CYSLTR2: variants seen among roughly 807,000 people sequenced by gnomAD.
CYSLTR2 encodes the protein cysteinyl leukotriene receptor 2.
For missense variants in CYSLTR2, 398 were observed against 411.9 expected, an observed-to-expected ratio of 0.97 and a Z score of 0.29; for synonymous variants, 179 against 160.8, an observed-to-expected ratio of 1.11 and a Z score of -0.86.
At chr13:48,682,942 A>G (rs1463028474) in intron 1 of CYSLTR2, among the ~76,000 whole-genome samples, 1 of 152,100 alleles carries the variant, frequency 6.6e-6, no homozygotes, top group Non-Finnish European at 1.5e-5. Context: ...ATCTGTTCTC[A>G]TAATTTAGCT....
At chr13:48,662,114 C>G (rs913818586) in intron 1 of CYSLTR2, among the ~76,000 whole-genome samples, 5 of 152,086 alleles carry the variant, frequency 3.3e-5, no homozygotes, top group African/African-American at 9.7e-5. Context: ...CTTTCTGTTT[C>G]TGGTTTAGGA....
chr13:48,680,800 C>CTTTTTTTTTTTTTTTTTTTT (rs139896583), intron 1 of CYSLTR2, among the ~76,000 whole-genome samples: 50 of 55,026 alleles, frequency 9.1e-4, no homozygotes, highest in Non-Finnish European at 1.4e-3. Flanking sequence ...CTTTTCTTTT[C>CTTTTTTTTTTTTTTTTTTTT]TTTTTTTTTT....
intron 1 of CYSLTR2, among the ~76,000 whole-genome samples, chr13:48,678,932 C>T (rs1318363606): frequency 2.6e-5 from 4 of 152,082 alleles, no homozygotes; most frequent in Non-Finnish European, 5.9e-5. Context: ...TTGGGCTTGC[C>T]TCCACCAAAC....
chr13:48,703,451 G>GT (rs1185047592), intron 4 of CYSLTR2, among the ~76,000 whole-genome samples: 5 of 152,018 alleles, frequency 3.3e-5, no homozygotes, highest in Non-Finnish European at 4.4e-5. Context: ...TTATCTGTAG[G>GT]TTTTTTGTAT....
In CYSLTR2 at chr13:48,667,698, C is replaced by T. The variant is rs113683427; in HGVS notation, c.-266+13681C>T. Among the ~76,000 whole-genome samples the T allele has an allele frequency of 5.5e-3, 835 of 152,316 alleles. 9 individuals are homozygous for T. Among genetic ancestry groups the T allele is most frequent in the Non-Finnish European group, 8.0e-3 (547 of 68,018 alleles). The stretch of plus-strand genomic sequence containing the variant: ...CACAGCTGCTCACTTGGCCTGGGAG[C>T]ATGTTTCCTGTGAACATTTCTATGA... On this transcript the variant is annotated intron_variant, in intron 1 of 4. Coordinates refer to ENST00000682523, the MANE Select transcript of CYSLTR2 (RefSeq NM_001308476.3).
At chr13:48,688,232 T>A (rs916461878) in intron 1 of CYSLTR2, among the ~76,000 whole-genome samples, 13 of 152,188 alleles carry the variant, frequency 8.5e-5, no homozygotes, top group Admixed American at 6.5e-5. Flanking sequence ...TCGTCTTTTT[T>A]ATAGGGGTTC....
intron 4 of CYSLTR2, among the ~76,000 whole-genome samples, chr13:48,705,904 TA>T (rs2139004168): frequency 6.6e-6 from 1 of 151,716 alleles, no homozygotes; most frequent in South Asian, 2.1e-4. Flanking sequence ...TATTTTCTAA[TA>T]TTCTAAGTTT....
Position 48,708,579 on chromosome 13 carries a change from G to T in CYSLTR2, c.*721G>T, listed in dbSNP as rs200211174. 10 of 167,188 alleles carry T rather than the reference G, an allele frequency of 6.0e-5. No individual in the cohort carries two copies. Among genetic ancestry groups the T allele is most frequent in the Non-Finnish European group, 1.0e-4 (7 of 68,110 alleles). 10.4% of individuals were successfully genotyped at this position (167,188 alleles called of 1,614,324 possible). A position where few individuals can be genotyped will look rare whatever the true frequency, so the allele number is the denominator to read the frequency against. On this transcript the variant is annotated 3_prime_UTR_variant, in exon 5 of 5. Transcript: ENST00000682523. ...TGGGGCATTGCCCTAGGAAATGAAA[G>T]AATTGTGTATAGAATGGAAGGGGGA...
chr13:48,680,867 T>C (rs77920292), intron 1 of CYSLTR2, among the ~76,000 whole-genome samples: 4,097 of 149,410 alleles, frequency 0.027, 213 homozygotes, highest in African/African-American at 0.097. Context: ...ATGTATTTTA[T>C]ATTGGCAGGA....
At chr13:48,696,149 A>G (rs1390938985) in intron 3 of CYSLTR2, among the ~76,000 whole-genome samples, 2 of 152,248 alleles carry the variant, frequency 1.3e-5, no homozygotes, top group Non-Finnish European at 2.9e-5. Context: ...ATGACCAACA[A>G]TGTTGAACAA....
At chr13:48,677,570 A>T (rs1278097585) in intron 1 of CYSLTR2, among the ~76,000 whole-genome samples, 4 of 152,140 alleles carry the variant, frequency 2.6e-5, no homozygotes, top group Non-Finnish European at 5.9e-5. Context: ...CAAGTGTATG[A>T]TGTTCAGAGA....
At chr13:48,693,738 C>T (rs74074719) in intron 3 of CYSLTR2, among the ~76,000 whole-genome samples, 1,547 of 151,328 alleles carry the variant, frequency 0.01, 22 homozygotes, top group African/African-American at 0.035. Flanking sequence ...AAGCCCCTGG[C>T]GATTTTATCA....
chr13:48,678,207 C>T (rs947126115), intron 1 of CYSLTR2, among the ~76,000 whole-genome samples: 18 of 152,100 alleles, frequency 1.2e-4, no homozygotes, highest in Non-Finnish European at 2.2e-4. Flanking sequence ...TGAGGTTTCA[C>T]CATGTTGGCA....
intron 1 of CYSLTR2, among the ~76,000 whole-genome samples, chr13:48,684,118 G>C (rs934303619): frequency 6.6e-6 from 1 of 151,824 alleles, no homozygotes; most frequent in Admixed American, 6.6e-5. Context: ...GAGATCGGGG[G>C]GGGTCTCACT....
rs1265803372 is a variant in CYSLTR2 at position 48,707,345 on chromosome 13, T to A, written c.528T>A (p.Ser176Arg). Residue 176 changes from serine to arginine, a missense_variant, in exon 5 of 5, where the codon AGT becomes AGA. Physicochemically the swap from Ser to Arg is moderately radical, Grantham distance 110. Transcript: ENST00000682523. ...IMASSIMLLDSGSEQNGSVTS... is the reference protein window; with the variant it reads ...IMASSIMLLDRGSEQNGSVTS... ...CTTCCTCAATAATGCTCCTGGACAGTGGCTCTGAGCAGAACGGCAGTGTCA... is the reference window on the plus strand; with the variant it reads ...CTTCCTCAATAATGCTCCTGGACAGAGGCTCTGAGCAGAACGGCAGTGTCA... The A allele has an allele frequency of 4.3e-6, 7 of 1,614,098 alleles. No individual in the cohort carries two copies. Among genetic ancestry groups the A allele is most frequent in the Non-Finnish European group, 5.9e-6 (7 of 1,180,022 alleles).
chr13:48,678,916 C>G (rs1018923651), intron 1 of CYSLTR2, among the ~76,000 whole-genome samples: 1 of 152,148 alleles, frequency 6.6e-6, no homozygotes, highest in Non-Finnish European at 1.5e-5. Context: ...ACTCACCTCT[C>G]TGTACTTGGG....
chr13:48,675,230 G>A (rs1953561530), intron 1 of CYSLTR2, among the ~76,000 whole-genome samples: 1 of 152,248 alleles, frequency 6.6e-6, no homozygotes, highest in Non-Finnish European at 1.5e-5. Context: ...GTCTGCTGAA[G>A]TTGTGCCCAC....
intron 1 of CYSLTR2, among the ~76,000 whole-genome samples, chr13:48,686,993 G>A (rs1953909196): frequency 6.6e-6 from 1 of 152,130 alleles, no homozygotes; most frequent in Admixed American, 6.6e-5. Flanking sequence ...GCTCTCAATG[G>A]ATGGGCACTG....
intron 1 of CYSLTR2, among the ~76,000 whole-genome samples, chr13:48,684,188 C>T (rs1251157708): frequency 2.0e-5 from 3 of 152,062 alleles, no homozygotes; most frequent in African/African-American, 7.2e-5. Flanking sequence ...CTTGGCCTCC[C>T]AAAATGCTGG....
Sources: allele counts gnomAD v4.1 joint callset (sites outside exome capture counted in the v4.1 genomes callset), GRCh38; gene constraint gnomAD v4.1.1; transcripts MANE v1.5; gene names NCBI Gene and HGNC (gene_info 2026-07-23, HGNC 2026-07-21).